KHDC1: variants seen among roughly 807,000 people sequenced by gnomAD.
The protein encoded by KHDC1 is KH domain containing 1.
Under a neutral mutation model 24.7 loss-of-function variants are expected in KHDC1, and 21 were observed. The ratio of observed to expected loss-of-function variants is 0.85; its 90% CI spans 0.60 to 1.23. KHDC1 has a LOEUF of 1.23. Ranked by LOEUF, KHDC1 falls within the 50% of genes most tolerant of loss-of-function variation. KHDC1 has a pLI of 0.00. For synonymous variants in KHDC1, 98 were observed against 111.7 expected, an observed-to-expected ratio of 0.88 and a Z score of 0.77; for missense variants, 274 against 298.5, an observed-to-expected ratio of 0.92 and a Z score of 0.61.
intron 2 of KHDC1, chr6:73,268,157 C>T (rs561933340): frequency 4.7e-4 from 72 of 153,476 alleles, no homozygotes; most frequent in African/African-American, 1.5e-3. Flanking sequence ...TTTGTTCCTT[C>T]TTATGTTTGG....
chr6:73,301,716 C>T (rs749974883), intron 1 of KHDC1, among the ~76,000 whole-genome samples: 1 of 152,082 alleles, frequency 6.6e-6, no homozygotes, highest in Non-Finnish European at 1.5e-5. Context: ...ACTGCAGCCT[C>T]GACCTCCTAG....
chr6:73,288,415 G>A (rs1767561358), intron 2 of KHDC1, among the ~76,000 whole-genome samples: 1 of 152,224 alleles, frequency 6.6e-6, no homozygotes, highest in Non-Finnish European at 1.5e-5. Flanking sequence ...GAGGTCAGGA[G>A]TTCAAGACCA....
At position 73,254,467 on chromosome 6, in the gene KHDC1, A is replaced by T. The variant is rs954030127; in HGVS notation, c.207-11937T>A. Among the ~76,000 whole-genome samples the T allele has an allele frequency of 9.2e-5, 13 of 140,610 alleles. No homozygotes were observed. In the East Asian group the frequency reaches 1.9e-3, roughly 20 times the overall value. 92.2% of individuals were successfully genotyped at this position (140,610 alleles called of 152,430 possible). A position where few individuals can be genotyped will look rare whatever the true frequency, so the allele number is the denominator to read the frequency against. On this transcript the variant is annotated intron_variant, in intron 2 of 4. Transcript: ENST00000370384. ...CAGAATGAGACTCTGTCTTAAAATA[A>T]AAATAAATAAATAAATAAATAAATA... is the stretch of plus-strand genomic sequence containing the variant.
intron 1 of KHDC1, among the ~76,000 whole-genome samples, chr6:73,296,032 C>G (rs111252288): frequency 0.05 from 7,640 of 151,716 alleles, 488 homozygotes; most frequent in African/African-American, 0.14. Flanking sequence ...ATCCCAGCTA[C>G]TCGGGAGGCT....
Position 73,242,093 on chromosome 6 carries a change from C to T in KHDC1, c.476G>A (p.Cys159Tyr), listed in dbSNP as rs753203314. The stretch of plus-strand genomic sequence containing the variant: ...ATAGGAGTCCTGGCTCCCCACACAA[C>T]AAAACATGTGCAGCAGCCACTGCCT... Residue 159 changes from cysteine to tyrosine, a missense_variant, in exon 4 of 5, where the codon TGT (cysteine) becomes TAT (tyrosine). Cys to Tyr is a radical substitution (Grantham distance 194). Transcript: ENST00000370384. 3 of 1,613,994 alleles carry T rather than the reference C, an allele frequency of 1.9e-6. No individual in the cohort carries two copies. The South Asian group carries it at 3.3e-5, about 18-fold the overall frequency.
At chr6:73,263,548 G>T (rs1355407371) in intron 2 of KHDC1, 1 of 151,898 alleles carries the variant, frequency 6.6e-6, no homozygotes, top group African/African-American at 2.4e-5. Context: ...AGACCCTCGG[G>T]TGTCGGTCCA....
In KHDC1 at chr6:73,281,890, C is replaced by T. The variant is rs116470700; in HGVS notation, c.206+10108G>A. On this transcript the variant is annotated intron_variant, in intron 2 of 4. Coordinates refer to ENST00000370384, the Ensembl canonical transcript of KHDC1. ...CTTTTTTTGTTTTTGATGACCTTGACAGTTTTGAGGCATACTGGTCAAGCA... is the reference window on the plus strand; with the variant it reads ...CTTTTTTTGTTTTTGATGACCTTGATAGTTTTGAGGCATACTGGTCAAGCA... 4.0e-3 allele frequency among the ~76,000 whole-genome samples: 601 copies of T among 151,996 alleles called. 3 individuals carry two copies. The highest frequency in any genetic ancestry group is 0.014 in the African/African-American group (565 of 41,474).
At chr6:73,276,643 G>A (rs572706911) in intron 2 of KHDC1, 3 of 152,232 alleles carry the variant, frequency 2.0e-5, no homozygotes, top group African/African-American at 7.2e-5. Context: ...CTCCAACCTG[G>A]GGTCAGAAGG....
chr6:73,298,153 T>A (rs1290509711), intron 1 of KHDC1, among the ~76,000 whole-genome samples: 1 of 151,768 alleles, frequency 6.6e-6, no homozygotes, highest in East Asian at 1.9e-4. Context: ...AAAACGAGAC[T>A]CTGTCTAAAA....
chr6:73,292,243 G>C (rs1767667665), intron 1 of KHDC1: 14 of 1,396,094 alleles, frequency 1.0e-5, no homozygotes. Flanking sequence ...TTGTGAAAAT[G>C]TTTGAAGATC....
At chr6:73,299,981 G>A (rs966220078) in intron 1 of KHDC1, 1 of 152,196 alleles carries the variant, frequency 6.6e-6, no homozygotes, top group African/African-American at 2.4e-5. Flanking sequence ...TCTCAGGATC[G>A]GAGCCACTCA....
At chr6:73,288,470 C>A (rs540564722) in intron 2 of KHDC1, among the ~76,000 whole-genome samples, 1 of 152,024 alleles carries the variant, frequency 6.6e-6, no homozygotes, top group Non-Finnish European at 1.5e-5. Context: ...AAAATACAAA[C>A]ATTAGCTGAG....
intron 2 of KHDC1, among the ~76,000 whole-genome samples, chr6:73,286,314 ATAC>A (rs1562256561): frequency 6.6e-6 from 1 of 152,222 alleles, no homozygotes. Context: ...TGATAATTAG[ATAC>A]TAATCACATT....
intron 2 of KHDC1, chr6:73,262,931 AACCG>A: frequency 1.0e-6 from 1 of 988,828 alleles, no homozygotes; most frequent in Non-Finnish European, 1.2e-6. Flanking sequence ...TCACCGGACT[AACCG>A]AGTTCGAGAC....
chr6:73,254,988 G>C (rs1766855339), intron 2 of KHDC1, among the ~76,000 whole-genome samples: 1 of 150,832 alleles, frequency 6.6e-6, no homozygotes. Context: ...AGGAACAAGA[G>C]CAAGACTCCG....
intron 1 of KHDC1, among the ~76,000 whole-genome samples, chr6:73,302,981 G>A (rs549597627): frequency 6.6e-6 from 1 of 152,332 alleles, no homozygotes; most frequent in Admixed American, 6.5e-5. Flanking sequence ...GGAGGCTGAA[G>A]CACAAGAATT....
chr6:73,254,476 AAAT>A (rs1766843402), intron 2 of KHDC1, among the ~76,000 whole-genome samples: 1 of 95,016 alleles, frequency 1.1e-5, no homozygotes, highest in Non-Finnish European at 2.0e-5. Context: ...AAAAATAAAT[AAAT>A]AAATAAATAA....
chr6:73,245,198 A>C (rs1766644451), intron 2 of KHDC1, among the ~76,000 whole-genome samples: 1 of 152,204 alleles, frequency 6.6e-6, no homozygotes, highest in South Asian at 2.1e-4. Flanking sequence ...TGGTGTCAGC[A>C]GCTTGAACTG....
At chr6:73,293,947 A>G (rs1215728252) in intron 1 of KHDC1, among the ~76,000 whole-genome samples, 2 of 148,722 alleles carry the variant, frequency 1.3e-5, no homozygotes, top group Non-Finnish European at 1.5e-5. Flanking sequence ...CAGATGTTGC[A>G]GTGAGCCAAG....
Sources: allele counts gnomAD v4.1 joint callset (sites outside exome capture counted in the v4.1 genomes callset), GRCh38; gene constraint gnomAD v4.1.1; transcripts MANE v1.5; gene names NCBI Gene and HGNC (gene_info 2026-07-23, HGNC 2026-07-21).